Variants in ZNF157 observed in about 807,000 individuals in gnomAD.
ZNF157 encodes zinc finger protein 157.
A neutral mutation model predicts 9.4 loss-of-function variants in ZNF157; 8 were observed. The ratio of observed to expected loss-of-function variants is 0.85; its 90% CI spans 0.50 to 1.53. The LOEUF is 1.53. ZNF157 is among the 40% of genes most tolerant of loss of function. The pLI is 0.00. For missense variants in ZNF157, 316 were observed against 385.2 expected (o/e 0.82, Z 1.50); for synonymous variants, 120 against 130.8 (o/e 0.92, Z 0.56).
chrX:47,412,584 T>C lies in ZNF157; in HGVS notation c.511T>C (p.Tyr171His), dbSNP rs748869941. ...NFECHECGKAYCRKSNLVEHL... is the reference protein window; with the variant it reads ...NFECHECGKAHCRKSNLVEHL... ...TGAATGTCATGAATGTGGGAAAGCT[T>C]ACTGTAGGAAGTCAAACCTTGTTGA... Residue 171 changes from tyrosine to histidine, a missense_variant, in exon 4 of 4, where the codon TAC (tyrosine) becomes CAC (histidine). By Grantham distance (83) the Tyr-to-His change is moderately conservative. This residue lies in a region of ZNF157 where 146 missense variants were observed against 183.8 expected (regional missense o/e 0.79). Coordinates refer to ENST00000377073, the MANE Select transcript of ZNF157 (RefSeq NM_003446.4). 9 of 1,210,736 alleles carry C rather than the reference T, an allele frequency of 7.4e-6. No homozygotes were observed. The highest frequency in any genetic ancestry group is 1.0e-5 in the Non-Finnish European group (9 of 895,382).
chrX:47,404,144 T>C (rs2055939546), intron 1 of ZNF157, among the ~76,000 whole-genome samples: 1 of 105,828 alleles, frequency 9.4e-6, no homozygotes, highest in Admixed American at 1.0e-4. Flanking sequence ...CACTGCAGCC[T>C]GTGCGGCAGA....
intron 1 of ZNF157, among the ~76,000 whole-genome samples, chrX:47,400,908 C>T (rs142814405): frequency 1.1e-3 from 124 of 111,490 alleles, no homozygotes; most frequent in Middle Eastern, 4.6e-3. Flanking sequence ...CCTCCCATCT[C>T]GGCCTCCCAA....
intron 1 of ZNF157, 53 bp from the exon 2 acceptor site, chrX:47,410,223 C>T (rs2055959989): frequency 8.3e-7 from 1 of 1,206,674 alleles, no homozygotes; most frequent in South Asian, 1.8e-5. Flanking sequence ...AGATTAGTTC[C>T]TGCACATCTT....
At chrX:47,411,853 G>C (rs1410021774) in intron 3 of ZNF157, among the ~76,000 whole-genome samples, 2 of 111,747 alleles carry the variant, frequency 1.8e-5, no homozygotes, top group African/African-American at 6.5e-5. Flanking sequence ...ACAATATAGT[G>C]GGGGAAAGTG....
intron 1 of ZNF157, chrX:47,392,191 G>T: frequency 7.7e-6 from 1 of 129,148 alleles, no homozygotes; most frequent in Non-Finnish European, 1.6e-5. Context: ...GCCCGGCCCT[G>T]AACCTGCATT....
intron 1 of ZNF157, among the ~76,000 whole-genome samples, chrX:47,401,367 A>G (rs1344182581): frequency 9.0e-6 from 1 of 111,722 alleles, no homozygotes; most frequent in East Asian, 2.8e-4. Context: ...CTGCCTGTGG[A>G]TCTTATATAA....
chrX:47,392,637 C>A (rs1048649578), intron 1 of ZNF157, among the ~76,000 whole-genome samples: 1 of 111,713 alleles, frequency 9.0e-6, no homozygotes, highest in African/African-American at 3.3e-5. Context: ...TCATCCCATT[C>A]CAACATACCC....
intron 1 of ZNF157, among the ~76,000 whole-genome samples, chrX:47,382,012 T>C (rs942908604): frequency 2.7e-5 from 3 of 111,642 alleles, no homozygotes; most frequent in African/African-American, 9.8e-5. Flanking sequence ...CGGGACAACT[T>C]GAAGTGGGGG....
intron 1 of ZNF157, among the ~76,000 whole-genome samples, chrX:47,371,509 T>G (rs148090131): frequency 0.035 from 3,931 of 111,304 alleles, 180 homozygotes; most frequent in African/African-American, 0.12. Context: ...AAAGAGAGAC[T>G]GTTATATTAA....
At chrX:47,381,948 GAGAA>G (rs2055864640) in intron 1 of ZNF157, among the ~76,000 whole-genome samples, 1 of 111,959 alleles carries the variant, frequency 8.9e-6, no homozygotes, top group African/African-American at 3.2e-5. Context: ...AGGAGATACT[GAGAA>G]CAGGTGCCCA....
At chrX:47,387,388 G>A (rs1415446273) in intron 1 of ZNF157, among the ~76,000 whole-genome samples, 2 of 110,037 alleles carry the variant, frequency 1.8e-5, no homozygotes, top group African/African-American at 6.6e-5. Flanking sequence ...CTCCCAAAGT[G>A]TTGGGATTAC....
chrX:47,401,949 C>A (rs2055931548), intron 1 of ZNF157, among the ~76,000 whole-genome samples: 1 of 110,874 alleles, frequency 9.0e-6, no homozygotes, highest in African/African-American at 3.3e-5. Context: ...GTTGCCCAGG[C>A]TGGTCTTGAA....
intron 1 of ZNF157, among the ~76,000 whole-genome samples, chrX:47,403,223 G>A (rs770313312): frequency 3.2e-3 from 356 of 110,464 alleles, no homozygotes; most frequent in Non-Finnish European, 4.8e-3. Flanking sequence ...ATTGCAGTGA[G>A]CCGAGATCAC....
intron 1 of ZNF157, among the ~76,000 whole-genome samples, chrX:47,371,724 C>T (rs1021969188): frequency 2.7e-5 from 3 of 111,318 alleles, no homozygotes; most frequent in Non-Finnish European, 5.7e-5. Context: ...TCTCCTGCCT[C>T]AGCCTCCCGA....
rs138462510 is a variant in ZNF157 at position 47,408,757 on chromosome X, C to T, written c.73-1519C>T. Among the ~76,000 whole-genome samples, 1,015 of 111,433 alleles carry T rather than the reference C, an allele frequency of 9.1e-3. 13 individuals are homozygous for T. The highest frequency in any genetic ancestry group is 0.028 in the African/African-American group (860 of 30,715). On this transcript the variant is annotated intron_variant, in intron 1 of 3. Transcript: ENST00000377073. ...ATGGCCAGAGCAGGAGGAATTGGGG[C>T]ACAGGTGCCACACACTCTTAAACAA... is the stretch of plus-strand genomic sequence containing the variant.
At chrX:47,394,945 C>T (rs768953801) in intron 1 of ZNF157, among the ~76,000 whole-genome samples, 2 of 111,399 alleles carry the variant, frequency 1.8e-5, no homozygotes, top group South Asian at 3.8e-4. Flanking sequence ...CAGCCTCCCA[C>T]GTAGCTGGGT....
At chrX:47,374,702 C>CTTTTTT (rs869212909) in intron 1 of ZNF157, among the ~76,000 whole-genome samples, 16 of 56,677 alleles carry the variant, frequency 2.8e-4, no homozygotes, top group African/African-American at 7.7e-4. Context: ...GCCCAGCAAT[C>CTTTTTT]TTTTTTTTTT....
intron 1 of ZNF157, among the ~76,000 whole-genome samples, chrX:47,386,724 T>G (rs2055880615): frequency 9.0e-6 from 1 of 111,613 alleles, no homozygotes; most frequent in Non-Finnish European, 1.9e-5. Context: ...CCTCCCAAAG[T>G]GCTGGGATTA....
chrX:47,393,513 G>A lies in ZNF157; in HGVS notation c.73-16763G>A, dbSNP rs568600408. Among the ~76,000 whole-genome samples the A allele has an allele frequency of 9.9e-5, 11 of 111,115 alleles. No individual in the cohort carries two copies. In the South Asian group the frequency reaches 3.0e-3, roughly 31 times the overall value. Reference sequence around the variant, plus strand: ...CCTGATTCTGCTGAAATGGGTCATCGGATCCTTGAGTATCACAAAGAGCAT... The same window carrying A: ...CCTGATTCTGCTGAAATGGGTCATCAGATCCTTGAGTATCACAAAGAGCAT... On this transcript the variant is annotated intron_variant, in intron 1 of 3. Coordinates refer to ENST00000377073, the MANE Select transcript of ZNF157 (RefSeq NM_003446.4).
Sources: allele counts gnomAD v4.1 joint callset (sites outside exome capture counted in the v4.1 genomes callset), GRCh38; gene constraint gnomAD v4.1.1; regional missense constraint gnomAD v4.1.1; transcripts MANE v1.5; gene names NCBI Gene and HGNC (gene_info 2026-07-23, HGNC 2026-07-21).